The following NOS1AP variants were observed in gnomAD, a reference collection of about 807,000 sequenced individuals.
The protein encoded by NOS1AP is nitric oxide synthase 1 adaptor protein.
Under a neutral mutation model 56.2 loss-of-function variants are expected in NOS1AP, and 21 were observed. The observed-to-expected ratio is 0.37, with a 90% CI of 0.26 to 0.54. NOS1AP has a LOEUF of 0.54. NOS1AP is among the 20% of genes least tolerant of loss of function. NOS1AP has a pLI of 0.84. For missense variants in NOS1AP, 522 were observed against 657.8 expected, an observed-to-expected ratio of 0.79 and a Z score of 2.26; for synonymous variants, 270 against 274.6, an observed-to-expected ratio of 0.98 and a Z score of 0.17.
At chr1:162,159,957 G>T (rs1276417226) in intron 2 of NOS1AP, among the ~76,000 whole-genome samples, 2 of 152,158 alleles carry the variant, frequency 1.3e-5, no homozygotes, top group Non-Finnish European at 2.9e-5. Flanking sequence ...CACTGTTGCT[G>T]TGGGAACTGG....
At chr1:162,346,134 GA>G (rs1480801115) in intron 6 of NOS1AP, among the ~76,000 whole-genome samples, 1 of 152,174 alleles carries the variant, frequency 6.6e-6, no homozygotes, top group Non-Finnish European at 1.5e-5. Flanking sequence ...TATTGAATTT[GA>G]AAATTCATAT....
chr1:162,183,300 A>G (rs1223784722), intron 2 of NOS1AP, among the ~76,000 whole-genome samples: 1 of 152,236 alleles, frequency 6.6e-6, no homozygotes, highest in Non-Finnish European at 1.5e-5. Context: ...CATGCTGTAA[A>G]GAGATGGGCT....
chr1:162,142,471 A>C (rs1414519329), intron 1 of NOS1AP, among the ~76,000 whole-genome samples: 1 of 151,624 alleles, frequency 6.6e-6, no homozygotes, highest in Non-Finnish European at 1.5e-5. Flanking sequence ...GATTTTGTCA[A>C]ATGTGGGGTT....
chr1:162,269,743 G>C (rs896894714), intron 2 of NOS1AP, among the ~76,000 whole-genome samples: 13 of 152,180 alleles, frequency 8.5e-5, no homozygotes, highest in African/African-American at 2.9e-4. Flanking sequence ...TTTTCCAAAG[G>C]GCTATACTAT....
intron 2 of NOS1AP, among the ~76,000 whole-genome samples, chr1:162,156,824 T>TGA (rs1317004042): frequency 6.6e-6 from 1 of 152,186 alleles, no homozygotes; most frequent in Non-Finnish European, 1.5e-5. Context: ...ATTTTATAGA[T>TGA]GAGGAAATAG....
In NOS1AP at chr1:162,304,635, T is replaced by C. The variant is rs569482894; in HGVS notation, c.344+3929T>C. Among the ~76,000 whole-genome samples, 17 of 152,252 alleles carry C rather than the reference T, an allele frequency of 1.1e-4. No individual in the cohort carries two copies. The South Asian group carries it at 3.5e-3, about 32-fold the overall frequency. On this transcript the variant is annotated intron_variant, in intron 4 of 9. Coordinates refer to ENST00000361897, the MANE Select transcript of NOS1AP (RefSeq NM_014697.3). ...CTCTGATTGTTGATAGTCTTGTGGATGTCTTTCTAGTCTATCAAAATTTAG... is the reference window on the plus strand; with the variant it reads ...CTCTGATTGTTGATAGTCTTGTGGACGTCTTTCTAGTCTATCAAAATTTAG...
At chr1:162,173,599 C>CA (rs1296545753) in intron 2 of NOS1AP, among the ~76,000 whole-genome samples, 42 of 152,172 alleles carry the variant, frequency 2.8e-4, no homozygotes, top group Non-Finnish European at 5.6e-4. Context: ...AGCTTCTGCA[C>CA]GCAAAAGAAA....
intron 1 of NOS1AP, among the ~76,000 whole-genome samples, chr1:162,112,732 A>G (rs1647757001): frequency 6.6e-6 from 1 of 152,150 alleles, no homozygotes; most frequent in East Asian, 1.9e-4. Context: ...TGAAAAAGGG[A>G]TATGTTTTTC....
intron 2 of NOS1AP, among the ~76,000 whole-genome samples, chr1:162,280,594 ATTTAGAACTTGAGT>A (rs1490934791): frequency 6.6e-6 from 1 of 152,160 alleles, no homozygotes; most frequent in Non-Finnish European, 1.5e-5. Flanking sequence ...TCCAAATGGG[ATTTAGAACTTGAGT>A]TTTAGATCTC....
chr1:162,127,364 G>T (rs1648534986), intron 1 of NOS1AP, among the ~76,000 whole-genome samples: 1 of 152,146 alleles, frequency 6.6e-6, no homozygotes, highest in South Asian at 2.1e-4. Flanking sequence ...CCATATTTGT[G>T]TTATAGTTCT....
At chr1:162,279,471 G>C (rs1654847980) in intron 2 of NOS1AP, among the ~76,000 whole-genome samples, 1 of 152,134 alleles carries the variant, frequency 6.6e-6, no homozygotes, top group Non-Finnish European at 1.5e-5. Context: ...CAGAACATCT[G>C]TGTGTGCATG....
intron 8 of NOS1AP, 26 bp from the exon 9 acceptor site, chr1:162,365,378 T>C: frequency 1.2e-6 from 2 of 1,614,056 alleles, no homozygotes; most frequent in African/African-American, 1.3e-5. Flanking sequence ...TGTCCTGTCT[T>C]CTCTGCCGCT....
chr1:162,355,766 C>A (rs1657685143), intron 7 of NOS1AP, among the ~76,000 whole-genome samples: 2 of 152,078 alleles, frequency 1.3e-5, no homozygotes, highest in South Asian at 4.2e-4. Flanking sequence ...CGGTGGTATA[C>A]CGTTGGTAAT....
At chr1:162,322,438 T>C (rs1656450576) in intron 4 of NOS1AP, among the ~76,000 whole-genome samples, 2 of 152,210 alleles carry the variant, frequency 1.3e-5, no homozygotes, top group East Asian at 3.8e-4. Context: ...CTTTCTTCAT[T>C]TCCCGTCATG....
intron 2 of NOS1AP, among the ~76,000 whole-genome samples, chr1:162,259,084 G>T (rs1255632832): frequency 1.3e-5 from 2 of 152,148 alleles, no homozygotes; most frequent in African/African-American, 4.8e-5. Context: ...TAAGGTTGTT[G>T]GGTTATGATT....
At chr1:162,094,932 T>C (rs144163454) in intron 1 of NOS1AP, among the ~76,000 whole-genome samples, 1 of 152,268 alleles carries the variant, frequency 6.6e-6, no homozygotes, top group Non-Finnish European at 1.5e-5. Context: ...TTCCAGTTGC[T>C]AGAAAGAGGG....
At chr1:162,350,130 C>T (rs1657444023) in intron 6 of NOS1AP, among the ~76,000 whole-genome samples, 1 of 152,176 alleles carries the variant, frequency 6.6e-6, no homozygotes, top group Non-Finnish European at 1.5e-5. Context: ...ACGAGAATCT[C>T]ACCTTCATGT....
chr1:162,134,065 A>G (rs1648874590), intron 1 of NOS1AP, among the ~76,000 whole-genome samples: 1 of 152,204 alleles, frequency 6.6e-6, no homozygotes, highest in South Asian at 2.1e-4. Flanking sequence ...TTAAAAGGAA[A>G]CCTTAAGAAT....
intron 1 of NOS1AP, among the ~76,000 whole-genome samples, chr1:162,116,665 A>G (rs1304454277): frequency 6.6e-6 from 1 of 152,196 alleles, no homozygotes; most frequent in Non-Finnish European, 1.5e-5. Context: ...TGTTTCAGAG[A>G]TGACACATAG....
Sources: allele counts gnomAD v4.1 joint callset (sites outside exome capture counted in the v4.1 genomes callset), GRCh38; gene constraint gnomAD v4.1.1; transcripts MANE v1.5; gene names NCBI Gene and HGNC (gene_info 2026-07-23, HGNC 2026-07-21).